CALD1: variants seen among roughly 807,000 people sequenced by gnomAD.
CALD1 encodes caldesmon 1, also known as caldesmon.
CALD1 carries 33 observed loss-of-function variants against 99.9 expected under a neutral mutation model. The observed-to-expected ratio is 0.33, with a 90% CI of 0.25 to 0.44. CALD1 has a LOEUF of 0.44. Ranked by LOEUF, CALD1 falls within the 20% of genes least tolerant of loss-of-function variation. The probability of loss-of-function intolerance (pLI) is 1.00; values close to 1 mark genes in which losing one functional copy is unlikely to be tolerated. For missense variants in CALD1, 861 were observed against 962.1 expected (o/e 0.89, Z 1.39); for synonymous variants, 310 against 325.0 (o/e 0.95, Z 0.50).
intron 1 of CALD1, among the ~76,000 whole-genome samples, chr7:134,757,286 C>T (rs1333407604): frequency 2.6e-5 from 4 of 152,150 alleles, no homozygotes; most frequent in African/African-American, 4.8e-5. Flanking sequence ...ATGTGAATGA[C>T]GACCCCTGGA....
At chr7:134,725,603 C>A in the CALD1 span, among the ~76,000 whole-genome samples, 2 of 152,190 alleles carry the variant, frequency 1.3e-5, no homozygotes, top group Non-Finnish European at 2.9e-5. Context: ...GAAAACAAGA[C>A]CTGAAAGGAT....
chr7:134,816,669 G>A (rs909300888), intron 1 of CALD1, among the ~76,000 whole-genome samples: 3 of 152,192 alleles, frequency 2.0e-5, no homozygotes, highest in Admixed American at 2.0e-4. Flanking sequence ...GATTTTAGAA[G>A]TTTCCAGGCG....
chr7:134,797,976 G>A (rs939446754), intron 1 of CALD1, among the ~76,000 whole-genome samples: 16 of 152,144 alleles, frequency 1.1e-4, no homozygotes, highest in African/African-American at 3.4e-4. Context: ...GAATATTACA[G>A]AGTTCTCATA....
At chr7:134,905,783 G>A (rs1452496988) in intron 3 of CALD1, among the ~76,000 whole-genome samples, 1 of 152,030 alleles carries the variant, frequency 6.6e-6, no homozygotes, top group African/African-American at 2.4e-5. Flanking sequence ...GAAGTCATGA[G>A]TGTACCTCTT....
chr7:134,778,373 T>C (rs184430110), upstream of CALD1, among the ~76,000 whole-genome samples: 13 of 152,314 alleles, frequency 8.5e-5, no homozygotes, highest in East Asian at 2.3e-3. Flanking sequence ...GAAAGGCATA[T>C]AGTAAAACCT....
chr7:134,834,464 C>T (rs1799352210), intron 1 of CALD1, among the ~76,000 whole-genome samples: 1 of 152,188 alleles, frequency 6.6e-6, no homozygotes, highest in African/African-American at 2.4e-5. Context: ...CAAACACAGG[C>T]AGAATGGTGT....
chr7:134,744,697 C>T (rs958521394), intron 1 of CALD1, among the ~76,000 whole-genome samples: 51 of 152,160 alleles, frequency 3.4e-4, no homozygotes, highest in Admixed American at 2.2e-3. Flanking sequence ...GCTTGGTTAC[C>T]ATGATAAATA....
intron 1 of CALD1, among the ~76,000 whole-genome samples, chr7:134,754,171 G>C (rs1041039636): frequency 2.0e-5 from 3 of 152,226 alleles, no homozygotes. Flanking sequence ...GAGTGAGAGA[G>C]AGAAAGCCTA....
chr7:134,768,951 C>G (rs1441265771), intron 1 of CALD1, among the ~76,000 whole-genome samples: 1 of 151,998 alleles, frequency 6.6e-6, no homozygotes, highest in Non-Finnish European at 1.5e-5. Flanking sequence ...CCAATTGCAA[C>G]CTGCTTCTTT....
At chr7:134,820,170 G>A (rs1798718048) in intron 1 of CALD1, among the ~76,000 whole-genome samples, 1 of 152,162 alleles carries the variant, frequency 6.6e-6, no homozygotes, top group Non-Finnish European at 1.5e-5. Context: ...TATTCTCAGT[G>A]TAATTTTCAG....
chr7:134,951,434 A>T lies in CALD1; in HGVS notation c.1935+920A>T, dbSNP rs548422676. Among the ~76,000 whole-genome samples, 15 of 152,382 alleles carry T rather than the reference A, an allele frequency of 9.8e-5. 1 individual carries two copies. Among genetic ancestry groups the T allele is most frequent in the Middle Eastern group, 3.4e-3 (1 of 294 alleles). ...CATTCCTTTGAGCAACTGAGAATAG[A>T]GACATCTAAAATTTATAAAATAGGA... On this transcript the variant is annotated intron_variant, in intron 9 of 14. Transcript: ENST00000361675.
At chr7:134,904,829 C>T (rs978188167) in intron 3 of CALD1, among the ~76,000 whole-genome samples, 1 of 152,058 alleles carries the variant, frequency 6.6e-6, no homozygotes, top group African/African-American at 2.4e-5. Flanking sequence ...GGGGATTATC[C>T]TCTTCCACTA....
At chr7:134,945,767 T>C (rs191554966) in intron 7 of CALD1, among the ~76,000 whole-genome samples, 1 of 152,324 alleles carries the variant, frequency 6.6e-6, no homozygotes, top group East Asian at 1.9e-4. Flanking sequence ...TCAAAGAGCA[T>C]AGAAAATTCA....
the CALD1 span, among the ~76,000 whole-genome samples, chr7:134,718,192 C>T: frequency 1.3e-5 from 2 of 152,054 alleles, no homozygotes; most frequent in African/African-American, 4.8e-5. Flanking sequence ...TTTTTAAATC[C>T]TCCTCTTGGG....
chr7:134,750,610 G>A (rs181425632), intron 1 of CALD1, among the ~76,000 whole-genome samples: 47 of 150,980 alleles, frequency 3.1e-4, no homozygotes, highest in Admixed American at 2.6e-3. Flanking sequence ...GCTATTAACA[G>A]AAAAAAAAAT....
intron 14 of CALD1, among the ~76,000 whole-genome samples, chr7:134,965,913 G>GC (rs1808648995): frequency 6.6e-6 from 1 of 151,930 alleles, no homozygotes. Flanking sequence ...GAATGATTGG[G>GC]TTCCTCTTAC....
intron 9 of CALD1, among the ~76,000 whole-genome samples, chr7:134,957,041 T>C (rs1466058044): frequency 1.3e-5 from 2 of 152,216 alleles, no homozygotes; most frequent in Non-Finnish European, 2.9e-5. Flanking sequence ...GCTGATTTTT[T>C]CTATGTCCAA....
chr7:134,778,704 G>A (rs976141399), upstream of CALD1, among the ~76,000 whole-genome samples: 1 of 152,110 alleles, frequency 6.6e-6, no homozygotes, highest in Non-Finnish European at 1.5e-5. Flanking sequence ...CTTTCAAGAC[G>A]TCACCTGAAC....
At chr7:134,812,043 C>T (rs926541415) in intron 1 of CALD1, among the ~76,000 whole-genome samples, 3 of 152,166 alleles carry the variant, frequency 2.0e-5, no homozygotes, top group African/African-American at 7.2e-5. Context: ...GGCATCTTGG[C>T]AACATATTTA....
Sources: gnomAD v4.1 joint callset for allele counts (sites outside exome capture counted in the v4.1 genomes callset) on GRCh38, gnomAD v4.1.1 for gene constraint, MANE v1.5 for transcripts, NCBI Gene and HGNC (gene_info 2026-07-23, HGNC 2026-07-21) for gene names.